The following CA4 variants were observed in gnomAD, a reference collection of about 807,000 sequenced individuals.
CA4 encodes CA-IV.
A neutral mutation model predicts 34.5 loss-of-function variants in CA4; 24 were observed. The ratio of observed to expected loss-of-function variants is 0.70; its 90% CI spans 0.50 to 0.98. The LOEUF (loss-of-function observed/expected upper bound fraction) is 0.98. CA4 is among the 50% of genes least tolerant of loss of function. CA4 has a pLI of 0.00. For missense variants in CA4, 394 were observed against 396.7 expected (o/e 0.99, Z 0.06); for synonymous variants, 178 against 170.6 (o/e 1.04, Z -0.34).
At position 60,158,146 on chromosome 17, in the gene CA4, G is replaced by A. The variant is rs369346904; in HGVS notation, c.580+19G>A. The A allele has an allele frequency of 1.5e-4, 241 of 1,607,602 alleles. No individual in the cohort carries two copies. In the Middle Eastern group the frequency reaches 1.7e-3, roughly 11 times the overall value. ...AAACCTGGTGAGTCAGGATGGGGGA[G>A]AAGGGCTTGGGGTGAGGGGGGGGAT... On this transcript the variant is annotated intron_variant, in intron 6 of 7. Transcript: ENST00000300900.
downstream of CA4, among the ~76,000 whole-genome samples, chr17:60,162,694 C>T (rs1842761455): frequency 6.6e-6 from 1 of 152,144 alleles, no homozygotes; most frequent in African/African-American, 2.4e-5. Context: ...CGGCACTCAG[C>T]ACAGCATAAA....
At chr17:60,173,638 C>T (rs1368207552), downstream of CA4, among the ~76,000 whole-genome samples, 2 of 152,216 alleles carry the variant, frequency 1.3e-5, no homozygotes, top group African/African-American at 4.8e-5. Flanking sequence ...TCATCTTTCC[C>T]TAATGAGACT....
At chr17:60,156,768 C>G in intron 3 of CA4, 53 bp downstream of exon 3, 1 of 1,533,808 alleles carries the variant, frequency 6.5e-7, no homozygotes. Flanking sequence ...TCCCCAAGGA[C>G]TGAGAGGATG....
chr17:60,157,932 G>A lies in CA4; in HGVS notation c.514-129G>A, dbSNP rs2083721351. ...TGTTTCTGGGGTTGCATGTCCCCGG[G>A]CCAGGTGGGGAGCCCAGAGCCTCAA... On this transcript the variant is annotated intron_variant, in intron 5 of 7. Transcript: ENST00000300900. 5.2e-6 allele frequency: 8 copies of A among 1,552,622 alleles called. No homozygotes were observed. The South Asian group carries it at 7.1e-5, about 14-fold the overall frequency.
intron 5 of CA4, among the ~76,000 whole-genome samples, chr17:60,167,354 C>T (rs1469583670): frequency 6.6e-5 from 10 of 152,220 alleles, no homozygotes; most frequent in Non-Finnish European, 8.8e-5. Flanking sequence ...GTGAAGTCTA[C>T]GTGCTAGCCA....
intron 5 of CA4, among the ~76,000 whole-genome samples, chr17:60,167,949 C>T (rs2083871492): frequency 6.6e-6 from 1 of 152,114 alleles, no homozygotes; most frequent in Admixed American, 6.5e-5. Flanking sequence ...CTGCTTACAA[C>T]ATGACAGGAC....
At chr17:60,156,065 TC>T (rs1409359766) in intron 2 of CA4, among the ~76,000 whole-genome samples, 1 of 152,052 alleles carries the variant, frequency 6.6e-6, no homozygotes, top group East Asian at 1.9e-4. Context: ...GTTACTCCTC[TC>T]CCTCCCATTC....
chr17:60,152,749 C>G (rs1260789981), intron 1 of CA4, among the ~76,000 whole-genome samples: 1 of 152,216 alleles, frequency 6.6e-6, no homozygotes, highest in Non-Finnish European at 1.5e-5. Context: ...TGGCAAGGAA[C>G]TGTCATGGTG....
chr17:60,178,330 T>C, the CA4 span, among the ~76,000 whole-genome samples: 1 of 152,236 alleles, frequency 6.6e-6, no homozygotes. Context: ...TGAAACGTGA[T>C]CTAGCTCCAA....
intron 1 of CA4, among the ~76,000 whole-genome samples, chr17:60,155,106 G>A (rs1342258476): frequency 6.6e-6 from 1 of 152,178 alleles, no homozygotes; most frequent in African/African-American, 2.4e-5. Flanking sequence ...GGGGAACAGA[G>A]CCCTATGCCA....
intron 5 of CA4, among the ~76,000 whole-genome samples, chr17:60,170,232 T>A (rs917930137): frequency 1.3e-5 from 2 of 152,148 alleles, no homozygotes; most frequent in African/African-American, 4.8e-5. Flanking sequence ...AAGGCCCCAG[T>A]TTAAGGGAGA....
At position 60,149,996 on chromosome 17, in the gene CA4, G is replaced by A; in HGVS notation, c.-39G>A. On this transcript the variant is annotated 5_prime_UTR_variant, in exon 1 of 8. Transcript: ENST00000300900. ...GCACCCGCGGCGGCCTCCTCGGTGC[G>A]CGACCCCCGGCTCAGAGGACTCTTT... 1 of 1,572,254 alleles carries A rather than the reference G, an allele frequency of 6.4e-7. No individual in the cohort carries two copies.
At chr17:60,161,796 CAGCGGGGGGTGTGTGGACGCAGAA>C, downstream of CA4, among the ~76,000 whole-genome samples, 1 of 152,130 alleles carries the variant, frequency 6.6e-6, no homozygotes, top group Non-Finnish European at 1.5e-5. Context: ...GGCCGCCTGT[CAGCGGGGGGTGTGTGGACGCAGAA>C]CCTGGAACCT....
At position 60,157,680 on chromosome 17, in the gene CA4, C is replaced by T. The variant is rs764137999; in HGVS notation, c.415-10C>T. The T allele has an allele frequency of 6.2e-7, 1 of 1,612,940 alleles. No individual in the cohort carries two copies. Among genetic ancestry groups the T allele is most frequent in the African/African-American group, 1.3e-5 (1 of 75,048 alleles). On this transcript the variant is annotated splice_polypyrimidine_tract_variant and intron_variant, in intron 4 of 7. Transcript: ENST00000300900. Reference sequence around the variant, plus strand: ...CATAGGTCCCCTTTTCACCCCTCCACCCCGACCAGATGCACATAGTACATG... The same window carrying T: ...CATAGGTCCCCTTTTCACCCCTCCATCCCGACCAGATGCACATAGTACATG...
downstream of CA4, among the ~76,000 whole-genome samples, chr17:60,160,185 G>A (rs1459333749): frequency 6.6e-6 from 1 of 152,180 alleles, no homozygotes; most frequent in African/African-American, 2.4e-5. Context: ...GGGCAGAGCC[G>A]ACTGCATGAC....
rs185476073 is a variant in CA4, at chr17:60,156,705, C to A, written c.258C>A (p.Asn86Lys). Residue 86 changes from asparagine (N) to lysine (K), a missense_variant, in exon 3 of 8, where the codon AAC (asparagine) becomes AAA (lysine). Coordinates refer to ENST00000300900, the MANE Select transcript of CA4 (RefSeq NM_000717.5). ...AGCAAACGTGGACTGTCCAAAATAA[C>A]GGGCACTCAGGTGGGCTGGATGGAG... is the stretch of plus-strand genomic sequence containing the variant. ...DKKQTWTVQN[N>K]GHSVMMLLEN... The A allele has an allele frequency of 3.7e-6, 6 of 1,613,976 alleles. No homozygotes were observed. The highest frequency in any genetic ancestry group is 3.3e-5 in the Admixed American group (2 of 60,008).
intron 7 of CA4, chr17:60,158,761 C>A: frequency 4.3e-6 from 2 of 463,352 alleles, no homozygotes; most frequent in Non-Finnish European, 7.9e-6. Flanking sequence ...GCACTGCTTT[C>A]ATTCCAAAAC....
rs751214164 is a variant in CA4, at chr17:60,159,489, T to C, written c.*65T>C. The C allele has an allele frequency of 8.8e-5, 135 of 1,541,712 alleles. No homozygotes were observed. Among genetic ancestry groups the C allele is most frequent in the Non-Finnish European group, 1.1e-4 (129 of 1,128,630 alleles). On this transcript the variant is annotated 3_prime_UTR_variant, in exon 8 of 8. Transcript: ENST00000300900. Reference sequence around the variant, plus strand: ...CTCCAAGTTCCAGGCTTCCGGTCCTTAGCCTTCCCAGGTGGGACTTTAGGC... The same window carrying C: ...CTCCAAGTTCCAGGCTTCCGGTCCTCAGCCTTCCCAGGTGGGACTTTAGGC...
chr17:60,172,030 G>A (rs1027943079), downstream of CA4, among the ~76,000 whole-genome samples: 29 of 152,078 alleles, frequency 1.9e-4, no homozygotes, highest in African/African-American at 6.8e-4. Flanking sequence ...ATGGCCGTAG[G>A]TATCTCCTAC....
Sources: gnomAD v4.1 joint callset for allele counts (sites outside exome capture counted in the v4.1 genomes callset) on GRCh38, gnomAD v4.1.1 for gene constraint, MANE v1.5 for transcripts, NCBI Gene and HGNC (gene_info 2026-07-23, HGNC 2026-07-21) for gene names.